Variants in WAC observed in about 807,000 individuals in gnomAD.
The protein encoded by WAC is WW domain-containing adapter protein with coiled-coil.
WAC carries 11 observed loss-of-function variants against 79.6 expected under a neutral mutation model. That is an observed-to-expected ratio of 0.14 (90% CI 0.09 to 0.23). The LOEUF (loss-of-function observed/expected upper bound fraction) is 0.23. Among genes scored for constraint, WAC ranks in the 10% least tolerant of loss-of-function variants. WAC has a pLI of 1.00. For synonymous variants in WAC, 304 were observed against 276.9 expected, an observed-to-expected ratio of 1.10 and a Z score of -0.97; for missense variants, 728 against 773.5, an observed-to-expected ratio of 0.94 and a Z score of 0.70.
chr10:28,555,685 C>A (rs1837942167), intron 3 of WAC, among the ~76,000 whole-genome samples: 1 of 152,078 alleles, frequency 6.6e-6, no homozygotes, highest in African/African-American at 2.4e-5. Flanking sequence ...AACTTAATTC[C>A]CAGATTCATA....
chr10:28,581,238 CTTTTTTTTTTTTTT>C (rs71391053), intron 3 of WAC, among the ~76,000 whole-genome samples: 8 of 66,118 alleles, frequency 1.2e-4, no homozygotes, highest in Admixed American at 6.4e-4. Flanking sequence ...ATGAGCGATT[CTTTTTTTTTTTTTT>C]TTTTTTTTTT....
rs780852528 is a variant in WAC at position 28,537,325 on chromosome 10, C to CT, written c.274+1569dup. Among the ~76,000 whole-genome samples, 3 of 152,188 alleles carry CT rather than the reference C, an allele frequency of 2.0e-5. No homozygotes were observed. The East Asian group carries it at 5.8e-4, about 29-fold the overall frequency. ...TATGTAAAGCCTGAGATGGTACTCTCTATCAACCACTCTTCTATAGTGGAT... is the reference window on the plus strand; with the variant it reads ...TATGTAAAGCCTGAGATGGTACTCTCTTATCAACCACTCTTCTATAGTGGAT... On this transcript the variant is annotated intron_variant, in intron 3 of 13. Coordinates refer to ENST00000354911, the MANE Select transcript of WAC (RefSeq NM_016628.5).
intron 3 of WAC, among the ~76,000 whole-genome samples, chr10:28,549,856 C>T (rs1425389248): frequency 6.6e-6 from 1 of 152,162 alleles, no homozygotes; most frequent in Non-Finnish European, 1.5e-5. Context: ...ATAAATATAA[C>T]TTGAAGTTTA....
chr10:28,616,444 CCACTGAA>C, intron 12 of WAC, 82 bp downstream of exon 12: 8 of 1,109,248 alleles, frequency 7.2e-6, no homozygotes, highest in Non-Finnish European at 9.6e-6. Context: ...TCTAATGTGA[CCACTGAA>C]TTCAAGCAAT....
At position 28,589,834 on chromosome 10, in the gene WAC, A is replaced by T. The variant is rs768078263; in HGVS notation, c.480A>T (p.Pro160=). The T allele has an allele frequency of 6.2e-7, 1 of 1,611,846 alleles. No homozygotes were observed. The highest frequency in any genetic ancestry group is 1.3e-5 in the African/African-American group (1 of 75,000). The change falls in exon 5 of 14, where the codon CCA becomes CCT. Residue 160 remains proline (P), a synonymous_variant. Transcript: ENST00000354911. The part of the protein sequence containing the change: ...CRTEVSQWEK[P]KEWLEREQRQ... ...CAGAAGTTTCACAATGGGAAAAACC[A>T]AAAGAGTGGCTTGAAAGGTAATTAG...
chr10:28,608,302 T>G lies in WAC; in HGVS notation c.1036T>G (p.Ser346Ala), dbSNP rs1435433222. The change falls in exon 8 of 14, where the codon TCT becomes GCT. Residue 346 changes from serine (S) to alanine (A), a missense_variant. Coordinates refer to ENST00000354911, the MANE Select transcript of WAC (RefSeq NM_016628.5). Reference protein sequence around the residue: ...PPTSASAVPVSPVPQSPIPPL... With the variant: ...PPTSASAVPVAPVPQSPIPPL... The stretch of plus-strand genomic sequence containing the variant: ...AACATCTGCTTCAGCGGTCCCTGTT[T>G]CTCCTGTTCCACAGTCGCCAATACC... 6.2e-7 allele frequency: 1 copy of G among 1,614,060 alleles called. No individual in the cohort carries two copies. The highest frequency in any genetic ancestry group is 1.3e-5 in the African/African-American group (1 of 74,928).
chr10:28,535,574 T>A lies in WAC; in HGVS notation c.91T>A (p.Ser31Thr). ...DSQPYQALKY[S>T]SKSHPSSGDH... ...TGATGTTTTACAGGCACTTAAGTAT[T>A]CATCGAAGAGTCACCCCAGTAGCGG... is the stretch of plus-strand genomic sequence containing the variant. The change falls in exon 3 of 14, where the codon TCA becomes ACA. Residue 31 changes from serine to threonine, a missense_variant. By Grantham distance (58) the Ser-to-Thr change is moderately conservative (BLOSUM62 1). Transcript: ENST00000354911. 1 of 1,609,388 alleles carries A rather than the reference T, an allele frequency of 6.2e-7. No homozygotes were observed. The highest frequency in any genetic ancestry group is 8.5e-7 in the Non-Finnish European group (1 of 1,177,568).
chr10:28,536,679 G>T (rs1341632674), intron 3 of WAC, among the ~76,000 whole-genome samples: 1 of 152,146 alleles, frequency 6.6e-6, no homozygotes, highest in Non-Finnish European at 1.5e-5. Context: ...TTATAAGTTT[G>T]CCTCAAGCTC....
Position 28,535,597 on chromosome 10 carries a change from C to T in WAC, c.114C>T (p.Ser38=), listed in dbSNP as rs1182033655. 3.1e-6 allele frequency: 5 copies of T among 1,613,878 alleles called. No homozygotes were observed. Among genetic ancestry groups the T allele is most frequent in the Non-Finnish European group, 4.2e-6 (5 of 1,179,914 alleles). ...LKYSSKSHPS[S]GDHRHEKMRD... Reference sequence around the variant, plus strand: ...ATTCATCGAAGAGTCACCCCAGTAGCGGTGATCACAGACATGAAAAGATGC... The same window carrying T: ...ATTCATCGAAGAGTCACCCCAGTAGTGGTGATCACAGACATGAAAAGATGC... Residue 38 remains serine (S), a synonymous_variant, in exon 3 of 14, where the codon AGC becomes AGT. Transcript: ENST00000354911.
intron 3 of WAC, among the ~76,000 whole-genome samples, chr10:28,574,930 A>T: frequency 6.6e-6 from 1 of 152,122 alleles, no homozygotes. Context: ...TTAGGTACAC[A>T]AGTAGATGTT....
At position 28,533,812 on chromosome 10, in the gene WAC, C is replaced by T. The variant is rs148938334; in HGVS notation, c.42-186C>T. ...GTGGCGGGGAGCGGGGGCCCGGCTT[C>T]GCGGCATTTCGCCCTCTCCGGCCCT... On this transcript the variant is annotated intron_variant, in intron 1 of 13. Transcript: ENST00000354911. 11,896 of 989,418 alleles carry T rather than the reference C, an allele frequency of 0.012. 103 individuals carry two copies. The highest frequency in any genetic ancestry group is 0.015 in the Non-Finnish European group (10,035 of 684,990). The allele number at this position is 989,418 out of a possible 1,614,324, so 61.3% of individuals were successfully genotyped here.
chr10:28,534,872 C>T lies in WAC; in HGVS notation c.79-690C>T, dbSNP rs114824976. Among the ~76,000 whole-genome samples the T allele has an allele frequency of 2.1e-3, 314 of 152,318 alleles. 2 individuals carry two copies. The highest frequency in any genetic ancestry group is 7.3e-3 in the African/African-American group (303 of 41,580). ...AAAAATTAAACTTTACTGAATCTGTCCTCCAAAGCATAGCTGATTACACAT... is the reference window on the plus strand; with the variant it reads ...AAAAATTAAACTTTACTGAATCTGTTCTCCAAAGCATAGCTGATTACACAT... On this transcript the variant is annotated intron_variant, in intron 2 of 13. Transcript: ENST00000354911.
intron 7 of WAC, among the ~76,000 whole-genome samples, chr10:28,604,238 G>GTT (rs60432336): frequency 3.7e-4 from 51 of 136,582 alleles, no homozygotes; most frequent in Non-Finnish European, 5.3e-4. Flanking sequence ...ATTATCAGGT[G>GTT]TTTTTTTTTT....
intron 6 of WAC, among the ~76,000 whole-genome samples, chr10:28,595,005 G>A (rs1840279337): frequency 6.6e-6 from 1 of 152,128 alleles, no homozygotes; most frequent in Admixed American, 6.5e-5. Context: ...ATTGAAAGAG[G>A]ATTTGTTTTT....
At chr10:28,574,825 A>T (rs186121882) in intron 3 of WAC, among the ~76,000 whole-genome samples, 2 of 152,066 alleles carry the variant, frequency 1.3e-5, no homozygotes, top group Admixed American at 6.5e-5. Context: ...TAGGCGTGGG[A>T]TTGCTGGCTC....
At chr10:28,613,074 G>A (rs566686422) in intron 10 of WAC, among the ~76,000 whole-genome samples, 146 of 152,078 alleles carry the variant, frequency 9.6e-4, no homozygotes, top group Non-Finnish European at 1.8e-3. Flanking sequence ...ATTAGGCCCT[G>A]GGCAATATAG....
Position 28,533,555 on chromosome 10 carries a change from A to C in WAC, c.-25A>C. 7.0e-7 allele frequency: 1 copy of C among 1,428,658 alleles called. No homozygotes were observed. The highest frequency in any genetic ancestry group is 9.3e-7 in the Non-Finnish European group (1 of 1,073,562). 88.5% of individuals were successfully genotyped at this position (1,428,658 alleles called of 1,614,324 possible). A position where few individuals can be genotyped will look rare whatever the true frequency, so the allele number is the denominator to read the frequency against. On this transcript the variant is annotated 5_prime_UTR_variant, in exon 1 of 14. Coordinates refer to ENST00000354911, the MANE Select transcript of WAC (RefSeq NM_016628.5). ...TCGCGGCCGCTCTCCCCCCTCCCCGACACACACTCACAGGCCGGGCATTGA... is the reference window on the plus strand; with the variant it reads ...TCGCGGCCGCTCTCCCCCCTCCCCGCCACACACTCACAGGCCGGGCATTGA...
chr10:28,589,872 T>C (rs1279054385), intron 5 of WAC, 21 bp downstream of exon 5: 2 of 1,512,050 alleles, frequency 1.3e-6, no homozygotes, highest in Admixed American at 1.7e-5. Flanking sequence ...TTTAATCTAA[T>C]TAAACATTAT....
intron 3 of WAC, among the ~76,000 whole-genome samples, chr10:28,558,047 C>T (rs1838091870): frequency 6.6e-6 from 1 of 152,022 alleles, no homozygotes; most frequent in Non-Finnish European, 1.5e-5. Flanking sequence ...GCATTCCAGC[C>T]TGGGCAACAG....
Sources: gnomAD v4.1 joint callset for allele counts (sites outside exome capture counted in the v4.1 genomes callset) on GRCh38, gnomAD v4.1.1 for gene constraint, MANE v1.5 for transcripts, NCBI Gene and HGNC (gene_info 2026-07-23, HGNC 2026-07-21) for gene names.